The following ADGB variants were observed in gnomAD, a reference collection of about 807,000 sequenced individuals.
ADGB encodes calpain-7-like protein.
A neutral mutation model predicts 210.5 loss-of-function variants in ADGB; 172 were observed. The observed-to-expected ratio is 0.82, with a 90% confidence interval of 0.72 to 0.93. The LOEUF (loss-of-function observed/expected upper bound fraction) is 0.93. Ranked by LOEUF, ADGB falls within the 40% of genes least tolerant of loss-of-function variation. The pLI is 0.00. For missense variants in ADGB, 2,025 were observed against 1,964.8 expected (o/e 1.03, Z -0.58); for synonymous variants, 658 against 662.7 (o/e 0.99, Z 0.11).
At chr6:146,615,196 A>G (rs897856516) in intron 1 of ADGB, among the ~76,000 whole-genome samples, 17 of 151,730 alleles carry the variant, frequency 1.1e-4, no homozygotes, top group Admixed American at 4.6e-4. Context: ...GTGAGCCACC[A>G]CACCAGCCAA....
chr6:146,729,746 A>T (rs183525414), intron 20 of ADGB, among the ~76,000 whole-genome samples: 59 of 152,290 alleles, frequency 3.9e-4, no homozygotes, highest in African/African-American at 1.4e-3. Flanking sequence ...CCTGGCCAAC[A>T]TGGGATACTT....
intron 9 of ADGB, among the ~76,000 whole-genome samples, chr6:146,679,542 A>C (rs2114910260): frequency 6.6e-6 from 1 of 152,310 alleles, no homozygotes; most frequent in East Asian, 1.9e-4. Context: ...TGGCTGAGAA[A>C]GTCCTGTTAA....
chr6:146,717,033 T>C lies in ADGB; in HGVS notation c.1892T>C (p.Ile631Thr). ...ACAAATAATAGTGTTTCTAAAGAAA[T>C]ATGGTTAGATTTTGAAGATTTCTGT... is the stretch of plus-strand genomic sequence containing the variant. The part of the protein sequence containing the change: ...PTTNNSVSKE[I>T]WLDFEDFCVC... The change falls in exon 15 of 36, where the codon ATA (isoleucine) becomes ACA (threonine). Residue 631 changes from isoleucine to threonine, a missense_variant. Coordinates refer to ENST00000397944, the MANE Select transcript of ADGB (RefSeq NM_024694.4). The C allele has an allele frequency of 6.4e-7, 1 of 1,551,470 alleles. No homozygotes were observed. The highest frequency in any genetic ancestry group is 1.2e-5 in the South Asian group (1 of 84,054).
chr6:146,744,193 G>A (rs1324617274), intron 25 of ADGB, among the ~76,000 whole-genome samples: 1 of 152,134 alleles, frequency 6.6e-6, no homozygotes, highest in African/African-American at 2.4e-5. Flanking sequence ...TACCTACAAG[G>A]CATGTTGATA....
chr6:146,665,983 A>T, intron 6 of ADGB, among the ~76,000 whole-genome samples: 1 of 152,118 alleles, frequency 6.6e-6, no homozygotes, highest in Non-Finnish European at 1.5e-5. Context: ...ATCCCAATAG[A>T]CACTTATTAT....
intron 35 of ADGB, chr6:146,807,724 TGTTA>T (rs1323950284): frequency 1.2e-5 from 9 of 746,640 alleles, no homozygotes; most frequent in Admixed American, 3.6e-5. Context: ...AATGCTAACT[TGTTA>T]GTTTTCCTCA....
intron 35 of ADGB, chr6:146,802,965 C>G: frequency 6.2e-7 from 1 of 1,609,868 alleles, no homozygotes; most frequent in South Asian, 1.1e-5. Flanking sequence ...TGACCACCAC[C>G]TTTTAATGAC....
At chr6:146,756,058 T>C (rs1257584015) in intron 27 of ADGB, among the ~76,000 whole-genome samples, 11 of 152,080 alleles carry the variant, frequency 7.2e-5, no homozygotes, top group African/African-American at 2.7e-4. Context: ...CTTTAACAAC[T>C]ACAGGCAAAT....
chr6:146,703,338 G>T (rs1776520364), intron 13 of ADGB, among the ~76,000 whole-genome samples: 1 of 151,828 alleles, frequency 6.6e-6, no homozygotes, highest in Non-Finnish European at 1.5e-5. Context: ...AAATTGAGCT[G>T]ATTAATATAT....
In ADGB at chr6:146,740,325, T is replaced by C. The variant is rs2114597278; in HGVS notation, c.2889-134T>C. On this transcript the variant is annotated intron_variant, in intron 23 of 35. Coordinates refer to ENST00000397944, the MANE Select transcript of ADGB (RefSeq NM_024694.4). ...GTATCAGGGACTACACAGACCCCCT[T>C]TGATCAAGATCTCAATCTAGCCAAC... 4 of 794,158 alleles carry C rather than the reference T, an allele frequency of 5.0e-6. No homozygotes were observed. In the South Asian group the frequency reaches 8.0e-5, roughly 16 times the overall value. 49.2% of individuals were successfully genotyped at this position (794,158 alleles called of 1,614,324 possible). A position where few individuals can be genotyped will look rare whatever the true frequency, so the allele number is the denominator to read the frequency against.
chr6:146,628,294 A>T (rs578262601), intron 1 of ADGB, among the ~76,000 whole-genome samples: 19 of 151,942 alleles, frequency 1.3e-4, no homozygotes, highest in Admixed American at 5.9e-4. Flanking sequence ...AGAAGAGTGC[A>T]ACTTTCAGAT....
intron 4 of ADGB, among the ~76,000 whole-genome samples, chr6:146,656,443 C>T (rs1394794660): frequency 1.3e-5 from 2 of 152,208 alleles, no homozygotes; most frequent in African/African-American, 4.8e-5. Context: ...GAAGCTTTCT[C>T]TCTCTCACAC....
chr6:146,692,874 TTTG>T lies in ADGB; in HGVS notation c.1537_1539del (p.Leu513del). On this transcript the variant is annotated inframe_deletion, in exon 12 of 36. Transcript: ENST00000397944. Reference sequence around the variant, plus strand: ...GGTTCCTTGAGATTTCAAGTCCATTTTTGAATTATAGAATGACTCCATTTACAA... The same window carrying T: ...GGTTCCTTGAGATTTCAAGTCCATTTAATTATAGAATGACTCCATTTACAA... The T allele has an allele frequency of 6.5e-7, 1 of 1,541,364 alleles. No individual in the cohort carries two copies. Among genetic ancestry groups the T allele is most frequent in the African/African-American group, 1.4e-5 (1 of 72,784 alleles).
chr6:146,693,644 T>C (rs1776362498), intron 12 of ADGB, among the ~76,000 whole-genome samples: 1 of 152,184 alleles, frequency 6.6e-6, no homozygotes. Flanking sequence ...TTGTTCTCTT[T>C]CAAATAGGCT....
chr6:146,703,294 T>A (rs1412436694), intron 13 of ADGB, among the ~76,000 whole-genome samples: 1 of 151,932 alleles, frequency 6.6e-6, no homozygotes, highest in Non-Finnish European at 1.5e-5. Context: ...GTGTAAAACA[T>A]GATGTTTTGA....
chr6:146,803,727 C>A, intron 35 of ADGB: 1 of 941,046 alleles, frequency 1.1e-6, no homozygotes, highest in Admixed American at 2.2e-5. Context: ...TAAGTACCGG[C>A]GCCTCATGGT....
chr6:146,785,783 C>A, intron 32 of ADGB, 71 bp downstream of exon 32: 2 of 1,116,976 alleles, frequency 1.8e-6, no homozygotes, highest in South Asian at 1.5e-5. Context: ...AAAAAATAAT[C>A]AGTGGGTTGT....
At chr6:146,792,043 G>A (rs1016532928) in intron 33 of ADGB, among the ~76,000 whole-genome samples, 1 of 151,102 alleles carries the variant, frequency 6.6e-6, no homozygotes, top group African/African-American at 2.4e-5. Context: ...GTGCTAGGAT[G>A]ACAGGCGTGA....
At chr6:146,707,983 C>T (rs1280375772) in intron 13 of ADGB, among the ~76,000 whole-genome samples, 1 of 151,858 alleles carries the variant, frequency 6.6e-6, no homozygotes, top group Non-Finnish European at 1.5e-5. Flanking sequence ...TTTTATGTAT[C>T]TACTATAGGT....
Sources: allele counts gnomAD v4.1 joint callset (sites outside exome capture counted in the v4.1 genomes callset), GRCh38; gene constraint gnomAD v4.1.1; transcripts MANE v1.5; gene names NCBI Gene and HGNC (gene_info 2026-07-23, HGNC 2026-07-21).